The following PHACTR1 variants were observed in gnomAD, a reference collection of about 807,000 sequenced individuals.
The protein encoded by PHACTR1 is phosphatase and actin regulator 1.
Under a neutral mutation model 69.2 loss-of-function variants are expected in PHACTR1, and 16 were observed. That is an observed-to-expected ratio of 0.23 (90% CI 0.16 to 0.35). The LOEUF is 0.35. Ranked by LOEUF, PHACTR1 falls within the 10% of genes least tolerant of loss-of-function variation. The probability of loss-of-function intolerance (pLI) is 1.00; values close to 1 mark genes in which losing one functional copy is unlikely to be tolerated. For synonymous variants in PHACTR1, 312 were observed against 284.5 expected (o/e 1.10, Z -0.97); for missense variants, 510 against 734.7 (o/e 0.69, Z 3.54).
At chr6:12,834,291 AT>A (rs1344442561) in intron 4 of PHACTR1, among the ~76,000 whole-genome samples, 1 of 152,112 alleles carries the variant, frequency 6.6e-6, no homozygotes, top group African/African-American at 2.4e-5. Context: ...AAGTAATTGT[AT>A]TTTGTCAACC....
At chr6:13,017,766 A>G (rs1800399817) in intron 4 of PHACTR1, among the ~76,000 whole-genome samples, 1 of 152,056 alleles carries the variant, frequency 6.6e-6, no homozygotes, top group Admixed American at 6.5e-5. Flanking sequence ...TTATGTATTA[A>G]GATGTAATTT....
intron 4 of PHACTR1, among the ~76,000 whole-genome samples, chr6:12,869,837 C>T (rs929269436): frequency 1.3e-5 from 2 of 152,190 alleles, no homozygotes; most frequent in African/African-American, 4.8e-5. Context: ...ATCTTTCACA[C>T]ATACGAGAGT....
intron 4 of PHACTR1, among the ~76,000 whole-genome samples, chr6:13,011,976 G>C (rs1799498666): frequency 6.6e-6 from 1 of 152,212 alleles, no homozygotes; most frequent in Admixed American, 6.5e-5. Context: ...GACATGAGTA[G>C]ACATAGTGGA....
chr6:12,932,894 T>A (rs1302299102), intron 4 of PHACTR1, among the ~76,000 whole-genome samples: 2 of 152,106 alleles, frequency 1.3e-5, no homozygotes, highest in African/African-American at 4.8e-5. Context: ...TTTGCTATTA[T>A]GTATCTAACT....
rs112385173 is a variant in PHACTR1, at chr6:12,974,628, T to C, written c.251-78737T>C. ...ATTTTCTAATTGGGTGAAAACTCAA[T>C]TGGGTGACAACTCAATTGCGGTGCC... On this transcript the variant is annotated intron_variant, in intron 4 of 14. Transcript: ENST00000332995. Among the ~76,000 whole-genome samples the C allele has an allele frequency of 3.1e-3, 472 of 152,286 alleles. 3 individuals carry two copies. The highest frequency in any genetic ancestry group is 0.011 in the African/African-American group (445 of 41,556).
intron 4 of PHACTR1, among the ~76,000 whole-genome samples, chr6:12,898,298 G>A (rs1244419280): frequency 6.6e-6 from 1 of 151,876 alleles, no homozygotes; most frequent in Non-Finnish European, 1.5e-5. Context: ...CCACTCCTTC[G>A]TCTCCAAATA....
intron 5 of PHACTR1, among the ~76,000 whole-genome samples, chr6:13,146,625 A>G (rs1394856576): frequency 6.6e-6 from 1 of 152,196 alleles, no homozygotes; most frequent in African/African-American, 2.4e-5. Context: ...CAAGGGTGCT[A>G]TTATCTTTTA....
intron 4 of PHACTR1, among the ~76,000 whole-genome samples, chr6:13,004,606 A>G (rs547690276): frequency 6.6e-6 from 1 of 152,344 alleles, no homozygotes; most frequent in Non-Finnish European, 1.5e-5. Context: ...GGTTTGTTAC[A>G]TAGGTATACA....
chr6:12,763,020 C>A (rs777265781), intron 4 of PHACTR1, among the ~76,000 whole-genome samples: 7 of 152,102 alleles, frequency 4.6e-5, no homozygotes, highest in Non-Finnish European at 1.5e-5. Flanking sequence ...TCGAGACCAG[C>A]CTGACCAACG....
chr6:13,151,327 C>T (rs546541325), intron 5 of PHACTR1, among the ~76,000 whole-genome samples: 6 of 152,324 alleles, frequency 3.9e-5, no homozygotes, highest in Non-Finnish European at 7.3e-5. Flanking sequence ...CTTGTTCTAA[C>T]ATCAATATTG....
chr6:13,078,002 C>T (rs1810793605), intron 5 of PHACTR1, among the ~76,000 whole-genome samples: 2 of 152,082 alleles, frequency 1.3e-5, no homozygotes, highest in Admixed American at 1.3e-4. Context: ...ACACTCATGG[C>T]CAAAGAGGAT....
At chr6:13,092,313 C>A (rs1169662152) in intron 5 of PHACTR1, among the ~76,000 whole-genome samples, 4 of 152,152 alleles carry the variant, frequency 2.6e-5, no homozygotes, top group African/African-American at 4.8e-5. Flanking sequence ...AATTTTCATT[C>A]TTTTGTATAC....
Position 13,272,842 on chromosome 6 carries a change from C to T in PHACTR1, c.1392-18C>T. 3.0e-5 allele frequency: 49 copies of T among 1,614,036 alleles called. No homozygotes were observed. Among genetic ancestry groups the T allele is most frequent in the Non-Finnish European group, 4.2e-5 (49 of 1,179,902 alleles). On this transcript the variant is annotated intron_variant, in intron 10 of 14. Coordinates refer to ENST00000332995, the MANE Select transcript of PHACTR1 (RefSeq NM_030948.6). ...GCTATGATATGGTCCAAAAACTTTT[C>T]CTGGATTTTTTCCGTAGGCGGCTGA...
chr6:13,007,749 A>G (rs1798976588), intron 4 of PHACTR1, among the ~76,000 whole-genome samples: 1 of 151,684 alleles, frequency 6.6e-6, no homozygotes, highest in Admixed American at 6.6e-5. Flanking sequence ...CAGTCTTCCG[A>G]AATAATGCTG....
chr6:13,156,670 A>C (rs1173700969), intron 5 of PHACTR1, among the ~76,000 whole-genome samples: 1 of 152,146 alleles, frequency 6.6e-6, no homozygotes, highest in Non-Finnish European at 1.5e-5. Flanking sequence ...ATGCTTGATA[A>C]CGTCTCTTGG....
At chr6:12,985,838 A>T (rs1582836649) in intron 4 of PHACTR1, among the ~76,000 whole-genome samples, 2 of 145,056 alleles carry the variant, frequency 1.4e-5, no homozygotes, top group African/African-American at 2.5e-5. Flanking sequence ...AAACATGCTA[A>T]TTTTTTTTTT....
At position 13,283,534 on chromosome 6, in the gene PHACTR1, C is replaced by T. The variant is rs1003322350; in HGVS notation, c.1622C>T (p.Pro541Leu). 1 of 1,613,730 alleles carries T rather than the reference C, an allele frequency of 6.2e-7. No homozygotes were observed. The highest frequency in any genetic ancestry group is 1.3e-5 in the African/African-American group (1 of 74,918). The change falls in exon 13 of 15, where the codon CCG becomes CTG. Residue 541 changes from proline (P) to leucine (L), a missense_variant. Transcript: ENST00000332995. This position sits in a 1 kb window ranked among gnomAD's most constrained non-coding sequence, Gnocchi z 4.7. ...GACTATGACCGCAGGGCAGATAAGC[C>T]GTGGACCCGCCTCACCGCTGCAGAC... is the stretch of plus-strand genomic sequence containing the variant. Reference protein sequence around the residue: ...AQDYDRRADKPWTRLTAADKA... With the variant: ...AQDYDRRADKLWTRLTAADKA...
intron 4 of PHACTR1, among the ~76,000 whole-genome samples, chr6:12,909,727 A>G (rs553293713): frequency 6.6e-6 from 1 of 152,326 alleles, no homozygotes; most frequent in South Asian, 2.1e-4. Context: ...AACTGGACCA[A>G]TGCCTAAATC....
chr6:12,943,756 T>C (rs532203602), intron 4 of PHACTR1, among the ~76,000 whole-genome samples: 1 of 152,368 alleles, frequency 6.6e-6, no homozygotes, highest in Admixed American at 6.5e-5. Context: ...TTCACTGTGG[T>C]TGAATTGACA....
Sources: gnomAD v4.1 joint callset for allele counts (sites outside exome capture counted in the v4.1 genomes callset) on GRCh38, gnomAD v4.1.1 for gene constraint, Gnocchi (gnomAD v3.1) non-coding constraint, MANE v1.5 for transcripts, NCBI Gene and HGNC (gene_info 2026-07-23, HGNC 2026-07-21) for gene names.